The following PPIP5K2 variants were observed in gnomAD, a reference collection of about 807,000 sequenced individuals.
PPIP5K2 encodes the protein inositol hexakisphosphate and diphosphoinositol-pentakisphosphate kinase 2.
In PPIP5K2, 105 loss-of-function variants were observed where a neutral mutation model predicts 154.6. The observed-to-expected ratio is 0.68, with a 90% CI of 0.58 to 0.80. The LOEUF is 0.80. Among genes scored for constraint, PPIP5K2 ranks in the 30% least tolerant of loss-of-function variants. The pLI is 0.00. For missense variants in PPIP5K2, 992 were observed against 1,504.6 expected (o/e 0.66, Z 5.64); for synonymous variants, 480 against 490.3 (o/e 0.98, Z 0.28).
intron 30 of PPIP5K2, among the ~76,000 whole-genome samples, chr5:103,195,945 C>T (rs551434808): frequency 6.6e-6 from 1 of 152,292 alleles, no homozygotes; most frequent in East Asian, 1.9e-4. Context: ...GGACAAGTTA[C>T]TTAACCTCTC....
chr5:103,170,210 T>A (rs1797767484), intron 19 of PPIP5K2, among the ~76,000 whole-genome samples: 1 of 151,606 alleles, frequency 6.6e-6, no homozygotes, highest in African/African-American at 2.4e-5. Flanking sequence ...TCTCACCATG[T>A]CCTTGTAACT....
intron 5 of PPIP5K2, among the ~76,000 whole-genome samples, chr5:103,140,681 C>CA (rs1348905090): frequency 1.3e-5 from 2 of 150,764 alleles, no homozygotes; most frequent in East Asian, 4.0e-4. Flanking sequence ...ACTAAAAATA[C>CA]AAAAAATTAG....
At chr5:103,198,020 C>T (rs563134258) in intron 30 of PPIP5K2, among the ~76,000 whole-genome samples, 22 of 152,086 alleles carry the variant, frequency 1.4e-4, no homozygotes, top group Non-Finnish European at 2.8e-4. Context: ...CTATTTCAAA[C>T]ATTTAAACCT....
chr5:103,191,147 C>G (rs782527174), intron 29 of PPIP5K2, 165 bp downstream of exon 29: 1 of 505,752 alleles, frequency 2.0e-6, no homozygotes, highest in Non-Finnish European at 3.2e-6. Context: ...GTAATGTGAA[C>G]TGTACCTCTT....
chr5:103,127,712 T>G (rs1408015488), intron 1 of PPIP5K2, among the ~76,000 whole-genome samples: 1 of 152,168 alleles, frequency 6.6e-6, no homozygotes, highest in Non-Finnish European at 1.5e-5. Flanking sequence ...TTTTATAGAC[T>G]AATAGCAACT....
intron 13 of PPIP5K2, among the ~76,000 whole-genome samples, chr5:103,155,451 G>C (rs1384255801): frequency 2.3e-5 from 1 of 43,390 alleles, no homozygotes; most frequent in Non-Finnish European, 5.0e-5. Flanking sequence ...TTTTGAGACA[G>C]GGTCTTATTC....
chr5:103,167,404 G>C, intron 18 of PPIP5K2, 84 bp downstream of exon 18: 1 of 1,193,462 alleles, frequency 8.4e-7, no homozygotes, highest in Non-Finnish European at 1.1e-6. Context: ...CAATCTTGTT[G>C]TAAGAAATCA....
At position 103,203,214 on chromosome 5, in the gene PPIP5K2, C is replaced by A. The variant is rs987645621; in HGVS notation, c.*1580C>A. On this transcript the variant is annotated 3_prime_UTR_variant, in exon 31 of 31. Coordinates refer to ENST00000358359, the MANE Select transcript of PPIP5K2 (RefSeq NM_001276277.3). ...TAAAATATTTCCAGAATCAAAGAGA[C>A]TTAAATGGTAAATTTTTAAAATTTT... The A allele has an allele frequency of 1.4e-4, 22 of 152,350 alleles. No homozygotes were observed. The highest frequency in any genetic ancestry group is 3.4e-3 in the Middle Eastern group (1 of 292). 9.4% of individuals were successfully genotyped at this position (152,350 alleles called of 1,614,324 possible). A position where few individuals can be genotyped will look rare whatever the true frequency, so the allele number is the denominator to read the frequency against.
intron 8 of PPIP5K2, 34 bp from the exon 9 acceptor site, chr5:103,151,219 T>C: frequency 6.5e-7 from 1 of 1,534,838 alleles, no homozygotes; most frequent in South Asian, 1.2e-5. Context: ...ATAATTTAAA[T>C]AAAACCTTAA....
Position 103,201,716 on chromosome 5 carries a change from T to C in PPIP5K2, c.*82T>C. On this transcript the variant is annotated 3_prime_UTR_variant, in exon 31 of 31. Coordinates refer to ENST00000358359, the MANE Select transcript of PPIP5K2 (RefSeq NM_001276277.3). ...TCTCCTTATGCATTTATGTGTTCACTTAAAAATGTTTTTAAATCTAAGGTT... is the reference window on the plus strand; with the variant it reads ...TCTCCTTATGCATTTATGTGTTCACCTAAAAATGTTTTTAAATCTAAGGTT... The C allele has an allele frequency of 3.0e-6, 3 of 988,726 alleles. No homozygotes were observed. The South Asian group carries it at 5.0e-5, about 16-fold the overall frequency. The allele number at this position is 988,726 out of a possible 1,614,324, so 61.2% of individuals were successfully genotyped here. A position where few individuals can be genotyped will look rare whatever the true frequency, so the allele number is the denominator to read the frequency against.
intron 17 of PPIP5K2, among the ~76,000 whole-genome samples, chr5:103,165,132 G>A (rs1198237160): frequency 6.6e-6 from 1 of 152,134 alleles, no homozygotes; most frequent in Non-Finnish European, 1.5e-5. Context: ...TCAGCAGATT[G>A]TCATCAAATT....
intron 5 of PPIP5K2, among the ~76,000 whole-genome samples, chr5:103,139,974 C>T (rs1554205872): frequency 6.6e-6 from 1 of 151,792 alleles, no homozygotes; most frequent in East Asian, 1.9e-4. Context: ...AAATCCATAG[C>T]CAGAGGAGAA....
intron 19 of PPIP5K2, among the ~76,000 whole-genome samples, chr5:103,169,989 C>T (rs1337666294): frequency 6.6e-6 from 1 of 151,464 alleles, no homozygotes; most frequent in Non-Finnish European, 1.5e-5. Context: ...TTAGCATAAC[C>T]ATGTCTGTGC....
chr5:103,139,153 G>A (rs1320973672), intron 5 of PPIP5K2, among the ~76,000 whole-genome samples: 1 of 152,126 alleles, frequency 6.6e-6, no homozygotes, highest in East Asian at 1.9e-4. Context: ...AACATAGCAT[G>A]GAAGCTATAC....
At chr5:103,157,486 CAT>C (rs1266708630) in intron 14 of PPIP5K2, among the ~76,000 whole-genome samples, 13 of 152,164 alleles carry the variant, frequency 8.5e-5, no homozygotes, top group South Asian at 6.2e-4. Flanking sequence ...ATCTTAAAAA[CAT>C]ATGTATCTGG....
chr5:103,182,805 G>T (rs1487306893), intron 24 of PPIP5K2, among the ~76,000 whole-genome samples: 1 of 151,634 alleles, frequency 6.6e-6, no homozygotes, highest in African/African-American at 2.4e-5. Context: ...TTAGTGTCTC[G>T]GGTTGAAAAA....
At position 103,151,426 on chromosome 5, in the gene PPIP5K2, A is replaced by G. The variant is rs1554211384; in HGVS notation, c.1028+52A>G. 8 of 1,382,666 alleles carry G rather than the reference A, an allele frequency of 5.8e-6. 1 individual carries two copies. The South Asian group carries it at 8.8e-5, about 15-fold the overall frequency. 85.6% of individuals were successfully genotyped at this position (1,382,666 alleles called of 1,614,324 possible). On this transcript the variant is annotated intron_variant, in intron 9 of 30. Transcript: ENST00000358359. Reference sequence around the variant, plus strand: ...ACCTTCATATACTAGTTATTCAGAAACCAAATAACTGTTAACATTAAATGA... The same window carrying G: ...ACCTTCATATACTAGTTATTCAGAAGCCAAATAACTGTTAACATTAAATGA...
chr5:103,201,942 A>G lies in PPIP5K2; in HGVS notation c.*308A>G, dbSNP rs1403488452. ...GTACCAAAGTCACAGCAGTAATGCT[A>G]TGTACTGCAGAGTCTGATGAGCTGG... is the stretch of plus-strand genomic sequence containing the variant. On this transcript the variant is annotated 3_prime_UTR_variant, in exon 31 of 31. Transcript: ENST00000358359. 3.3e-5 allele frequency: 9 copies of G among 272,114 alleles called. No individual in the cohort carries two copies. Among genetic ancestry groups the G allele is most frequent in the Non-Finnish European group, 6.2e-5 (9 of 144,462 alleles). The allele number at this position is 272,114 out of a possible 1,614,324, so 16.9% of individuals were successfully genotyped here. A position where few individuals can be genotyped will look rare whatever the true frequency, so the allele number is the denominator to read the frequency against.
rs114060223 is a variant in PPIP5K2 at position 103,148,485 on chromosome 5, C to T, written c.744+453C>T. On this transcript the variant is annotated intron_variant, in intron 7 of 30. Transcript: ENST00000358359. The stretch of plus-strand genomic sequence containing the variant: ...TAGTTGGTGACAAATAGGTCTTAAT[C>T]GCTTTACCTTCAGCCATTCTCTCTC... Among the ~76,000 whole-genome samples the T allele has an allele frequency of 2.0e-3, 297 of 152,188 alleles. 1 individual carries two copies. Among genetic ancestry groups the T allele is most frequent in the Non-Finnish European group, 3.7e-3 (253 of 67,962 alleles).
Sources: allele counts gnomAD v4.1 joint callset (sites outside exome capture counted in the v4.1 genomes callset), GRCh38; gene constraint gnomAD v4.1.1; transcripts MANE v1.5; gene names NCBI Gene and HGNC (gene_info 2026-07-23, HGNC 2026-07-21).